ACAD11: variants seen among roughly 807,000 people sequenced by gnomAD.
ACAD11 encodes the protein acyl-Coenzyme A dehydrogenase family, member 11.
Under a neutral mutation model 102.2 loss-of-function variants are expected in ACAD11, and 83 were observed. The observed-to-expected ratio is 0.81, with a 90% CI of 0.68 to 0.97. The LOEUF (loss-of-function observed/expected upper bound fraction) is 0.97. ACAD11 is among the 50% of genes least tolerant of loss of function. ACAD11 has a pLI of 0.00. For missense variants in ACAD11, 901 were observed against 951.7 expected, an observed-to-expected ratio of 0.95 and a Z score of 0.70; for synonymous variants, 324 against 319.8, an observed-to-expected ratio of 1.01 and a Z score of -0.14.
At chr3:132,586,876 T>G (rs1410733721) in intron 13 of ACAD11, among the ~76,000 whole-genome samples, 4 of 152,210 alleles carry the variant, frequency 2.6e-5, no homozygotes, top group African/African-American at 9.6e-5. Flanking sequence ...GCGGATCACC[T>G]GAGGCCAGGA....
At chr3:132,627,921 G>C (rs1033522796) in intron 8 of ACAD11, among the ~76,000 whole-genome samples, 1 of 152,196 alleles carries the variant, frequency 6.6e-6, no homozygotes, top group Non-Finnish European at 1.5e-5. Flanking sequence ...TGCTGATGAA[G>C]ACATGGGTTT....
intron 13 of ACAD11, among the ~76,000 whole-genome samples, chr3:132,583,690 GCCATAAATTTCCCTCTACA>G (rs1387568884): frequency 2.0e-5 from 3 of 151,934 alleles, no homozygotes; most frequent in Middle Eastern, 3.2e-3. Flanking sequence ...GGCATTTAGT[GCCATAAATTTCCCTCTACA>G]CACTGCTTTG....
intron 5 of ACAD11, among the ~76,000 whole-genome samples, chr3:132,633,206 G>A (rs1206043899): frequency 1.3e-5 from 2 of 152,278 alleles, no homozygotes; most frequent in East Asian, 3.9e-4. Flanking sequence ...TATTGGCTGT[G>A]GGTTTGTCAT....
At chr3:132,566,344 A>G (rs555782735) in intron 17 of ACAD11, among the ~76,000 whole-genome samples, 2 of 151,528 alleles carry the variant, frequency 1.3e-5, no homozygotes, top group Admixed American at 6.6e-5. Context: ...ATGTGGAATT[A>G]TAACAAAAGA....
intron 17 of ACAD11, chr3:132,561,431 T>C (rs750565193): frequency 5.7e-6 from 3 of 523,082 alleles, no homozygotes; most frequent in Admixed American, 2.8e-5. Context: ...AAAATTGAAA[T>C]ATTTTAGAAA....
At chr3:132,600,648 C>G in intron 13 of ACAD11, 2 of 1,613,622 alleles carry the variant, frequency 1.2e-6, no homozygotes, top group Non-Finnish European at 1.7e-6. Flanking sequence ...CTGAATTTGG[C>G]TGTAGCAGAT....
In ACAD11 at chr3:132,639,633, A is replaced by G; in HGVS notation, c.561T>C (p.Tyr187=). 6.2e-7 allele frequency: 1 copy of G among 1,613,572 alleles called. No individual in the cohort carries two copies. The highest frequency in any genetic ancestry group is 8.5e-7 in the Non-Finnish European group (1 of 1,179,786). The change falls in exon 5 of 20, where the codon TAT becomes TAC. Residue 187 remains tyrosine, a synonymous_variant. Coordinates refer to ENST00000264990, the MANE Select transcript of ACAD11 (RefSeq NM_032169.5). ...GGATGTCCTGATGAGCTGCAGCTTG[A>G]TATTGCTTTGTCCAGGTTGATACCT... ...KRQVSTWTKQ[Y]QAAAHQDIPA...
In ACAD11 at chr3:132,611,073, G is replaced by A. The variant is rs573695480; in HGVS notation, c.1415-5868C>T. ...GGGATGCAAGGCTGGTTCAACATAC[G>A]CAAATCAGTAAACGTAATCCAGCAT... On this transcript the variant is annotated intron_variant, in intron 11 of 19. Transcript: ENST00000264990. Among the ~76,000 whole-genome samples the A allele has an allele frequency of 5.9e-4, 90 of 152,152 alleles. 2 individuals are homozygous for A. Among genetic ancestry groups the A allele is most frequent in the Admixed American group, 4.6e-3 (70 of 15,280 alleles).
chr3:132,605,836 C>T (rs1938815044), intron 11 of ACAD11, among the ~76,000 whole-genome samples: 1 of 152,184 alleles, frequency 6.6e-6, no homozygotes, highest in Non-Finnish European at 1.5e-5. Flanking sequence ...ATTGCTCTTA[C>T]TTTTATGTAC....
chr3:132,600,332 G>C (rs932489634), intron 13 of ACAD11: 2 of 1,398,870 alleles, frequency 1.4e-6, no homozygotes, highest in East Asian at 2.5e-5. Context: ...GATAAAAACT[G>C]TTTCCTTTTA....
chr3:132,602,145 T>C (rs1032661893), intron 13 of ACAD11: 1 of 166,702 alleles, frequency 6.0e-6, no homozygotes, highest in Non-Finnish European at 1.5e-5. Flanking sequence ...CTGTTTTTTT[T>C]AAATTTGTAA....
At chr3:132,659,397 C>G (rs1938001723) in intron 1 of ACAD11, 4 of 605,610 alleles carry the variant, frequency 6.6e-6, no homozygotes, top group Non-Finnish European at 8.3e-6. Context: ...AACGTTATTG[C>G]GCTTCCATTA....
At chr3:132,578,583 A>G (rs1239265725) in intron 15 of ACAD11, 4 of 189,482 alleles carry the variant, frequency 2.1e-5, no homozygotes, top group African/African-American at 4.7e-5. Context: ...TAAATTCTAT[A>G]ATTTATATAA....
At position 132,605,217 on chromosome 3, in the gene ACAD11, G is replaced by C; in HGVS notation, c.1415-12C>G. 1.3e-6 allele frequency: 2 copies of C among 1,590,568 alleles called. No homozygotes were observed. The highest frequency in any genetic ancestry group is 4.5e-5 in the East Asian group (2 of 44,602). ...CATATTCCCTGTGTCTACACATAAA[G>C]AAGGAGTATTTGTTTTGCATTTGAA... On this transcript the variant is annotated splice_polypyrimidine_tract_variant and intron_variant, in intron 11 of 19. Transcript: ENST00000264990.
At chr3:132,580,199 G>A (rs981406444) in intron 13 of ACAD11, among the ~76,000 whole-genome samples, 3 of 151,838 alleles carry the variant, frequency 2.0e-5, no homozygotes, top group Non-Finnish European at 4.4e-5. Context: ...ACAAATGATC[G>A]GATTCTTTTT....
intron 11 of ACAD11, among the ~76,000 whole-genome samples, chr3:132,614,743 A>ATTG (rs1261877554): frequency 1.4e-4 from 21 of 152,230 alleles, no homozygotes; most frequent in Non-Finnish European, 2.6e-4. Context: ...CCTAGGCAAT[A>ATTG]CCATTCAGGA....
chr3:132,633,908 A>G (rs1306385253), intron 5 of ACAD11, among the ~76,000 whole-genome samples: 1 of 152,076 alleles, frequency 6.6e-6, no homozygotes, highest in Non-Finnish European at 1.5e-5. Context: ...AAATTAATTC[A>G]AGATGGATTA....
chr3:132,636,833 AT>A (rs1344511624), intron 5 of ACAD11, among the ~76,000 whole-genome samples: 6 of 152,172 alleles, frequency 3.9e-5, no homozygotes. Flanking sequence ...GCATGGTGTA[AT>A]TCCTAGAAAG....
intron 10 of ACAD11, 46 bp from the exon 11 acceptor site, chr3:132,618,818 C>A: frequency 6.8e-7 from 1 of 1,466,084 alleles, no homozygotes; most frequent in Non-Finnish European, 9.0e-7. Flanking sequence ...TTTACCAGGA[C>A]TCACAGTAGT....
Sources: gnomAD v4.1 joint callset for allele counts (sites outside exome capture counted in the v4.1 genomes callset) on GRCh38, gnomAD v4.1.1 for gene constraint, MANE v1.5 for transcripts, NCBI Gene and HGNC (gene_info 2026-07-23, HGNC 2026-07-21) for gene names.